Variants in VNN1 observed in about 807,000 individuals in gnomAD.
VNN1 encodes the protein vanin 1, also known as pantetheinase.
In VNN1, 29 loss-of-function variants were observed where a neutral mutation model predicts 41.9. That is an observed-to-expected ratio of 0.69 (90% confidence interval 0.52 to 0.94). The LOEUF (loss-of-function observed/expected upper bound fraction) is 0.94, where lower values mean the gene tolerates loss of function less well. Ranked by LOEUF, VNN1 falls within the 40% of genes least tolerant of loss-of-function variation. VNN1 has a pLI of 0.00. For synonymous variants in VNN1, 233 were observed against 224.4 expected (o/e 1.04, Z -0.34); for missense variants, 637 against 621.1 (o/e 1.03, Z -0.27).
intron 2 of VNN1, among the ~76,000 whole-genome samples, chr6:132,703,334 T>A (rs1328422983): frequency 6.6e-6 from 1 of 151,544 alleles, no homozygotes; most frequent in East Asian, 2.0e-4. Context: ...CAATCAAAAA[T>A]AATAATTATA....
chr6:132,692,610 A>T (rs1562215706), intron 4 of VNN1, 26 bp from the exon 5 acceptor site: 2 of 1,528,750 alleles, frequency 1.3e-6, no homozygotes, highest in African/African-American at 1.4e-5. Context: ...TGAAAACATC[A>T]TTTGAAATTG....
chr6:132,686,029 G>A (rs942809188), intron 5 of VNN1, among the ~76,000 whole-genome samples: 5 of 152,144 alleles, frequency 3.3e-5, no homozygotes, highest in Non-Finnish European at 7.3e-5. Flanking sequence ...CAGGAATAGG[G>A]TTGCCAGGTA....
At chr6:132,702,007 A>G (rs1207191376) in intron 2 of VNN1, among the ~76,000 whole-genome samples, 1 of 152,218 alleles carries the variant, frequency 6.6e-6, no homozygotes, top group Non-Finnish European at 1.5e-5. Context: ...TCAGAACCTG[A>G]GTTCTACCAA....
intron 2 of VNN1, among the ~76,000 whole-genome samples, chr6:132,707,657 T>C (rs1259212895): frequency 6.6e-6 from 1 of 152,174 alleles, no homozygotes; most frequent in East Asian, 1.9e-4. Flanking sequence ...TAACGTAAGT[T>C]AGGCACAGAA....
At chr6:132,704,388 A>G (rs1778489854) in intron 2 of VNN1, among the ~76,000 whole-genome samples, 2 of 152,206 alleles carry the variant, frequency 1.3e-5, no homozygotes. Flanking sequence ...GAATAGTACT[A>G]GAAATCAATA....
intron 5 of VNN1, among the ~76,000 whole-genome samples, chr6:132,691,008 A>G (rs1452325704): frequency 1.3e-5 from 2 of 152,214 alleles, no homozygotes; most frequent in Non-Finnish European, 2.9e-5. Context: ...GCCACGGATA[A>G]AGGACCAAAC....
intron 5 of VNN1, among the ~76,000 whole-genome samples, chr6:132,686,864 C>T (rs980669039): frequency 6.6e-6 from 1 of 151,976 alleles, no homozygotes; most frequent in African/African-American, 2.4e-5. Context: ...ATGCACAAAA[C>T]AACAATAAGT....
chr6:132,710,646 G>A (rs573112824), intron 2 of VNN1, among the ~76,000 whole-genome samples: 1 of 152,048 alleles, frequency 6.6e-6, no homozygotes, highest in Admixed American at 6.6e-5. Context: ...TCCTGTGTTA[G>A]TTTGCTGAGA....
intron 2 of VNN1, among the ~76,000 whole-genome samples, chr6:132,708,580 T>C (rs922057420): frequency 1.3e-5 from 2 of 152,228 alleles, no homozygotes; most frequent in Non-Finnish European, 2.9e-5. Flanking sequence ...AGATGAGATC[T>C]GATTCTATGA....
At chr6:132,696,987 T>C (rs4897602) in intron 2 of VNN1, among the ~76,000 whole-genome samples, 65,620 of 151,662 alleles carry the variant, frequency 0.43, 15,302 homozygotes, top group African/African-American at 0.6. Flanking sequence ...TGCCTGTAGT[T>C]CCAGCTACTC....
At position 132,695,024 on chromosome 6, in the gene VNN1, C is replaced by T. The variant is rs148147793; in HGVS notation, c.342-842G>A. Among the ~76,000 whole-genome samples the T allele has an allele frequency of 2.6e-3, 396 of 152,070 alleles. 1 individual carries two copies. The highest frequency in any genetic ancestry group is 9.1e-3 in the African/African-American group (378 of 41,492). ...AAAATTAGCTGGGCCTGGTGGCGTG[C>T]GCCTATAATCCCAGCTACTCAAGAG... On this transcript the variant is annotated intron_variant, in intron 2 of 6. Transcript: ENST00000367928.
intron 2 of VNN1, among the ~76,000 whole-genome samples, chr6:132,710,607 G>A (rs553419468): frequency 2.6e-5 from 4 of 152,080 alleles, no homozygotes; most frequent in African/African-American, 2.4e-5. Flanking sequence ...CCACTTATGA[G>A]CGAGAACATG....
At position 132,682,396 on chromosome 6, in the gene VNN1, T is replaced by A. The variant is rs1266254654; in HGVS notation, c.*744A>T. Reference sequence around the variant, plus strand: ...ACTGGGTGACTTAAACAATAGAAATTTATTTCTCATAGTTTTGGAGGCTGG... The same window carrying A: ...ACTGGGTGACTTAAACAATAGAAATATATTTCTCATAGTTTTGGAGGCTGG... On this transcript the variant is annotated 3_prime_UTR_variant, in exon 7 of 7. Coordinates refer to ENST00000367928, the MANE Select transcript of VNN1 (RefSeq NM_004666.3). The A allele has an allele frequency of 1.3e-5, 2 of 152,620 alleles. No homozygotes were observed. Among genetic ancestry groups the A allele is most frequent in the Admixed American group, 1.3e-4 (2 of 15,268 alleles). 9.5% of individuals were successfully genotyped at this position (152,620 alleles called of 1,614,324 possible).
chr6:132,698,614 G>A (rs1778406011), intron 2 of VNN1, among the ~76,000 whole-genome samples: 1 of 152,174 alleles, frequency 6.6e-6, no homozygotes, highest in African/African-American at 2.4e-5. Flanking sequence ...ACCCTGATGA[G>A]AGCAATATGA....
At chr6:132,690,563 C>A (rs1217255962) in intron 5 of VNN1, among the ~76,000 whole-genome samples, 1 of 152,228 alleles carries the variant, frequency 6.6e-6, no homozygotes, top group African/African-American at 2.4e-5. Context: ...ATTCTACGGA[C>A]AATCACATGC....
chr6:132,689,321 T>A (rs1301867481), intron 5 of VNN1, among the ~76,000 whole-genome samples: 4 of 152,176 alleles, frequency 2.6e-5, no homozygotes, highest in Non-Finnish European at 5.9e-5. Context: ...TGACCATGAG[T>A]CTCTGTTAAA....
chr6:132,683,356 T>G, intron 6 of VNN1, 34 bp from the exon 7 acceptor site: 1 of 1,586,044 alleles, frequency 6.3e-7, no homozygotes, highest in Non-Finnish European at 8.6e-7. Context: ...AAAGGCTACC[T>G]TCAAGTTTTA....
At chr6:132,685,104 C>A (rs1437662415) in intron 5 of VNN1, among the ~76,000 whole-genome samples, 6 of 152,190 alleles carry the variant, frequency 3.9e-5, no homozygotes, top group Non-Finnish European at 8.8e-5. Flanking sequence ...TTGTAATGAG[C>A]CCTAGAGTTG....
chr6:132,697,992 A>G (rs1257130029), intron 2 of VNN1, among the ~76,000 whole-genome samples: 5 of 152,242 alleles, frequency 3.3e-5, no homozygotes, highest in Non-Finnish European at 7.3e-5. Context: ...ATATTTTCCT[A>G]CTGACTCTAT....
Sources: gnomAD v4.1 joint callset for allele counts (sites outside exome capture counted in the v4.1 genomes callset) on GRCh38, gnomAD v4.1.1 for gene constraint, MANE v1.5 for transcripts, NCBI Gene and HGNC (gene_info 2026-07-23, HGNC 2026-07-21) for gene names.